The following THSD7B variants were observed in gnomAD, a reference collection of about 807,000 sequenced individuals.
THSD7B encodes thrombospondin type 1 domain containing 7B.
In THSD7B, 138 loss-of-function variants were observed where a neutral mutation model predicts 213.6. That is an observed-to-expected ratio of 0.65 (90% CI 0.56 to 0.74). THSD7B has a LOEUF of 0.74. Ranked by LOEUF, THSD7B falls within the 30% of genes least tolerant of loss-of-function variation. The pLI is 0.00. For missense variants in THSD7B, 1,931 were observed against 1,991.5 expected, an observed-to-expected ratio of 0.97 and a Z score of 0.58; for synonymous variants, 742 against 687.0, an observed-to-expected ratio of 1.08 and a Z score of -1.25.
intron 14 of THSD7B, 99 bp downstream of exon 14, chr2:137,411,971 G>T: frequency 7.2e-7 from 1 of 1,380,288 alleles, no homozygotes; most frequent in Non-Finnish European, 9.7e-7. Context: ...TATAATAATT[G>T]TTTTAATTTT....
chr2:137,147,857 T>C (rs968893696), intron 5 of THSD7B, among the ~76,000 whole-genome samples: 2 of 152,136 alleles, frequency 1.3e-5, no homozygotes. Flanking sequence ...ATCTCAACCA[T>C]GCTTTTGTAT....
chr2:137,373,666 G>A (rs7355647), intron 12 of THSD7B, among the ~76,000 whole-genome samples: 35,344 of 152,022 alleles, frequency 0.23, 4,619 homozygotes, highest in South Asian at 0.3. Flanking sequence ...CACTCTGATG[G>A]TAGTTTCTTT....
intron 14 of THSD7B, among the ~76,000 whole-genome samples, chr2:137,436,293 A>G (rs755786779): frequency 4.6e-5 from 7 of 152,108 alleles, no homozygotes; most frequent in Non-Finnish European, 1.0e-4. Context: ...TGCTCTCTTT[A>G]TTAACTAATT....
chr2:137,579,849 T>TCA (rs1681538891), intron 17 of THSD7B, among the ~76,000 whole-genome samples: 1 of 152,166 alleles, frequency 6.6e-6, no homozygotes, highest in Non-Finnish European at 1.5e-5. Context: ...TTTGTACACC[T>TCA]TTATAAACAA....
At position 136,966,687 on chromosome 2, in the gene THSD7B, T is replaced by G. The variant is rs149612047; in HGVS notation, c.139+84370T>G. Among the ~76,000 whole-genome samples, 678 of 152,304 alleles carry G rather than the reference T, an allele frequency of 4.5e-3. 5 individuals are homozygous for G. Among genetic ancestry groups the G allele is most frequent in the Admixed American group, 0.011 (176 of 15,306 alleles). ...ATTTTCTTAGCTCCTATTCAGCCGA[T>G]GACAAAAATCTGGCATCATCCTCTC... is the stretch of plus-strand genomic sequence containing the variant. On this transcript the variant is annotated intron_variant, in intron 2 of 27. Coordinates refer to ENST00000409968, the MANE Select transcript of THSD7B (RefSeq NM_001316349.2).
In THSD7B at chr2:137,056,741, T is replaced by C. The variant is rs184747378; in HGVS notation, c.461T>C (p.Val154Ala). ...RCIQKLNRTV[V>A]ANEICEHFAL... Reference sequence around the variant, plus strand: ...ATTCAGAAGCTGAACCGAACTGTGGTTGCAAATGAAATATGCGAACACTTT... The same window carrying C: ...ATTCAGAAGCTGAACCGAACTGTGGCTGCAAATGAAATATGCGAACACTTT... The change falls in exon 3 of 28, where the codon GTT (valine) becomes GCT (alanine). Residue 154 changes from valine to alanine, a missense_variant. Physicochemically the swap from Val to Ala is moderately conservative, Grantham distance 64. Transcript: ENST00000409968. 1 of 1,613,966 alleles carries C rather than the reference T, an allele frequency of 6.2e-7. No homozygotes were observed. The highest frequency in any genetic ancestry group is 2.2e-5 in the East Asian group (1 of 44,854).
intron 15 of THSD7B, among the ~76,000 whole-genome samples, chr2:137,481,268 A>T (rs937746672): frequency 1.7e-4 from 26 of 152,224 alleles, no homozygotes; most frequent in Non-Finnish European, 1.0e-4. Flanking sequence ...ATACATGCAA[A>T]TCTTAGTTAC....
intron 1 of THSD7B, among the ~76,000 whole-genome samples, chr2:136,820,281 T>C (rs1682545875): frequency 6.6e-6 from 1 of 152,186 alleles, no homozygotes. Flanking sequence ...CCAGAGATCA[T>C]TTACTAATTC....
At chr2:137,339,428 T>A (rs1301964407) in intron 12 of THSD7B, among the ~76,000 whole-genome samples, 1 of 151,976 alleles carries the variant, frequency 6.6e-6, no homozygotes, top group Non-Finnish European at 1.5e-5. Flanking sequence ...GATGTGAGAA[T>A]GGATGAAGCA....
intron 20 of THSD7B, among the ~76,000 whole-genome samples, chr2:137,641,505 G>T (rs1682936508): frequency 6.6e-6 from 1 of 152,200 alleles, no homozygotes. Flanking sequence ...AACACTGGAA[G>T]TCCACCATAT....
chr2:137,174,674 T>C (rs1311327690), intron 7 of THSD7B, among the ~76,000 whole-genome samples: 1 of 152,196 alleles, frequency 6.6e-6, no homozygotes, highest in Non-Finnish European at 1.5e-5. Flanking sequence ...GTGATATTTA[T>C]TTTCAAGAGG....
At chr2:137,165,222 C>T (rs986148621) in intron 6 of THSD7B, among the ~76,000 whole-genome samples, 1 of 152,112 alleles carries the variant, frequency 6.6e-6, no homozygotes, top group Non-Finnish European at 1.5e-5. Context: ...TAGTCACTGA[C>T]AGGAGGGATG....
intron 3 of THSD7B, among the ~76,000 whole-genome samples, chr2:137,086,793 C>A (rs1313354326): frequency 6.6e-6 from 1 of 152,108 alleles, no homozygotes; most frequent in African/African-American, 2.4e-5. Flanking sequence ...CAAAAATAAG[C>A]CTGATGATAC....
At chr2:137,412,062 T>C (rs1394450236) in intron 14 of THSD7B, among the ~76,000 whole-genome samples, 190 bp downstream of exon 14, 2 of 152,198 alleles carry the variant, frequency 1.3e-5, no homozygotes, top group African/African-American at 4.8e-5. Context: ...TTATCTGGAA[T>C]GTGATGGTGC....
At chr2:137,329,753 G>T (rs1426697429) in intron 12 of THSD7B, among the ~76,000 whole-genome samples, 1 of 152,190 alleles carries the variant, frequency 6.6e-6, no homozygotes, top group Non-Finnish European at 1.5e-5. Context: ...TAATAGGAAA[G>T]AAAAACTCAT....
chr2:137,406,473 C>A (rs1686521707), intron 13 of THSD7B, among the ~76,000 whole-genome samples: 1 of 152,176 alleles, frequency 6.6e-6, no homozygotes, highest in Non-Finnish European at 1.5e-5. Flanking sequence ...CTTCTCTTAA[C>A]TTCTTATGTG....
chr2:136,769,210 G>T (rs573297058), intron 1 of THSD7B, among the ~76,000 whole-genome samples: 131 of 152,246 alleles, frequency 8.6e-4, no homozygotes, highest in Non-Finnish European at 1.6e-3. Flanking sequence ...TGGTCATCTT[G>T]TAAGTATCTC....
At chr2:137,248,258 T>C (rs533226117) in intron 10 of THSD7B, among the ~76,000 whole-genome samples, 1 of 152,294 alleles carries the variant, frequency 6.6e-6, no homozygotes, top group South Asian at 2.1e-4. Context: ...CCTGCAATTA[T>C]TAAGTCCTCT....
At position 137,596,424 on chromosome 2, in the gene THSD7B, T is replaced by C. The variant is rs553368394; in HGVS notation, c.3424-19751T>C. On this transcript the variant is annotated intron_variant, in intron 17 of 27. Transcript: ENST00000409968. Reference sequence around the variant, plus strand: ...TGTTTAATTATTCTTTATTTGGCTGTGTTCAAACATCATCTTCTAATTGCC... The same window carrying C: ...TGTTTAATTATTCTTTATTTGGCTGCGTTCAAACATCATCTTCTAATTGCC... Among the ~76,000 whole-genome samples, 7 of 152,206 alleles carry C rather than the reference T, an allele frequency of 4.6e-5. No homozygotes were observed. In the East Asian group the frequency reaches 1.2e-3, roughly 25 times the overall value.
Sources: allele counts gnomAD v4.1 joint callset (sites outside exome capture counted in the v4.1 genomes callset), GRCh38; gene constraint gnomAD v4.1.1; transcripts MANE v1.5; gene names NCBI Gene and HGNC (gene_info 2026-07-23, HGNC 2026-07-21).